TRAPPC9: variants seen among roughly 807,000 people sequenced by gnomAD.
The protein encoded by TRAPPC9 is trafficking protein particle complex subunit 9.
A neutral mutation model predicts 124.0 loss-of-function variants in TRAPPC9; 83 were observed. The ratio of observed to expected loss-of-function variants is 0.67; its 90% CI spans 0.56 to 0.80. TRAPPC9 has a LOEUF of 0.80. Ranked by LOEUF, TRAPPC9 falls within the 30% of genes least tolerant of loss-of-function variation. TRAPPC9 has a pLI of 0.00. For synonymous variants in TRAPPC9, 638 were observed against 617.5 expected (o/e 1.03, Z -0.49); for missense variants, 1,302 against 1,508.3 (o/e 0.86, Z 2.27).
intron 21 of TRAPPC9, among the ~76,000 whole-genome samples, chr8:139,819,900 C>T (rs1825132428): frequency 6.7e-6 from 1 of 149,448 alleles, no homozygotes; most frequent in African/African-American, 2.5e-5. Flanking sequence ...ATAGTCCCAG[C>T]TACTTGGGAG....
intron 14 of TRAPPC9, 81 bp downstream of exon 14, chr8:140,283,808 G>T: frequency 6.8e-7 from 1 of 1,460,960 alleles, no homozygotes. Flanking sequence ...CAGGCTCTTT[G>T]TGCCATTAAA....
chr8:140,023,026 A>G (rs1243916900), intron 18 of TRAPPC9, among the ~76,000 whole-genome samples: 2 of 152,212 alleles, frequency 1.3e-5, no homozygotes, highest in African/African-American at 4.8e-5. Context: ...CCACTGGAGG[A>G]GGAGGGGCTG....
intron 21 of TRAPPC9, among the ~76,000 whole-genome samples, chr8:139,849,145 C>T (rs1259819491): frequency 6.6e-6 from 1 of 152,208 alleles, no homozygotes; most frequent in Non-Finnish European, 1.5e-5. Flanking sequence ...TCCCAAATTG[C>T]ATTGAGCCTT....
intron 18 of TRAPPC9, among the ~76,000 whole-genome samples, chr8:140,005,115 C>T (rs545206898): frequency 2.7e-4 from 41 of 152,306 alleles, no homozygotes; most frequent in African/African-American, 8.9e-4. Context: ...TCACGCTTAC[C>T]TCTGCCACAC....
At chr8:140,044,475 C>A (rs1261436090) in intron 17 of TRAPPC9, among the ~76,000 whole-genome samples, 2 of 152,178 alleles carry the variant, frequency 1.3e-5, no homozygotes, top group Non-Finnish European at 2.9e-5. Context: ...ACGTGCCCAA[C>A]TTTGAAGACC....
Position 139,901,018 on chromosome 8 carries a change from T to TAAATAAAA in TRAPPC9, c.2964+9128_2964+9129insTTTTATTT, listed in dbSNP as rs1554668236. On this transcript the variant is annotated intron_variant, in intron 20 of 22. Coordinates refer to ENST00000438773, the MANE Select transcript of TRAPPC9 (RefSeq NM_001160372.4). ...TAAATAAATAAAATAAATAAATAAA[T>TAAATAAAA]AAAAATAAAATAAAAGTAAGTGCTA... Among the ~76,000 whole-genome samples the TAAATAAAA allele has an allele frequency of 7.2e-3, 1,091 of 151,198 alleles. 12 individuals carry two copies. Among genetic ancestry groups the TAAATAAAA allele is most frequent in the African/African-American group, 0.022 (897 of 41,200 alleles).
chr8:140,141,322 C>T (rs1210250476), intron 17 of TRAPPC9, among the ~76,000 whole-genome samples: 1 of 152,240 alleles, frequency 6.6e-6, no homozygotes, highest in African/African-American at 2.4e-5. Flanking sequence ...CTCTCTCCCT[C>T]CTGGGACCAG....
chr8:139,814,556 A>C (rs1824698734), intron 21 of TRAPPC9, among the ~76,000 whole-genome samples: 1 of 152,122 alleles, frequency 6.6e-6, no homozygotes, highest in African/African-American at 2.4e-5. Context: ...CCCTAAATTC[A>C]GATCTCACAG....
intron 17 of TRAPPC9, among the ~76,000 whole-genome samples, chr8:140,214,476 G>A (rs1235519660): frequency 6.6e-6 from 1 of 152,186 alleles, no homozygotes; most frequent in Non-Finnish European, 1.5e-5. Flanking sequence ...TGGACTCACT[G>A]ACCAAATCTC....
rs369924557 is a variant in TRAPPC9 at position 139,732,001 on chromosome 8, G to C, written c.3257C>G (p.Ser1086Cys). 8.4e-5 allele frequency: 133 copies of C among 1,591,128 alleles called. No individual in the cohort carries two copies. The highest frequency in any genetic ancestry group is 1.1e-4 in the Non-Finnish European group (126 of 1,168,572). Residue 1086 changes from serine to cysteine, a missense_variant, in exon 22 of 23, where the codon TCC becomes TGC. This residue lies in a region of TRAPPC9 where 640 missense variants were observed against 679.3 expected (regional missense o/e 0.94). Coordinates refer to ENST00000438773, the MANE Select transcript of TRAPPC9 (RefSeq NM_001160372.4). ...CACCGCGTCGAGGTAGAAGGTGCTG[G>C]AGCCCACGAAGGAGACGGTGTCGTG... ...DLHDTVSFVG[S>C]STFYLDAVQP...
At chr8:139,813,504 G>A (rs939777139) in intron 21 of TRAPPC9, among the ~76,000 whole-genome samples, 5 of 152,210 alleles carry the variant, frequency 3.3e-5, no homozygotes, top group African/African-American at 9.7e-5. Flanking sequence ...TCTATGAGCC[G>A]AGAAGGGCCA....
Position 140,241,683 on chromosome 8 carries a change from G to A in TRAPPC9, c.2431+11094C>T, listed in dbSNP as rs2063859415. ...GCACTCCAGCCTGGCAACAGTCCGA[G>A]ACTCCATCTCAAAAAAATAAAATTA... On this transcript the variant is annotated intron_variant, in intron 16 of 22. Coordinates refer to ENST00000438773, the MANE Select transcript of TRAPPC9 (RefSeq NM_001160372.4). This position sits in a 1 kb window ranked among gnomAD's most constrained non-coding sequence, Gnocchi z 5.0. 6.7e-6 allele frequency among the ~76,000 whole-genome samples: 1 copy of A among 150,338 alleles called. No homozygotes were observed. The highest frequency in any genetic ancestry group is 2.4e-5 in the African/African-American group (1 of 40,984).
intron 7 of TRAPPC9, among the ~76,000 whole-genome samples, chr8:140,383,520 A>G (rs965009271): frequency 2.0e-5 from 3 of 152,268 alleles, no homozygotes; most frequent in Non-Finnish European, 4.4e-5. Flanking sequence ...ACGAATGCAC[A>G]TGCTTCAGTA....
chr8:140,205,949 C>T (rs1489737920), intron 17 of TRAPPC9, among the ~76,000 whole-genome samples: 2 of 152,222 alleles, frequency 1.3e-5, no homozygotes, highest in Non-Finnish European at 2.9e-5. Context: ...TATTTCCAAC[C>T]CTCACCATCT....
chr8:140,137,404 T>C (rs1436372108), intron 17 of TRAPPC9, among the ~76,000 whole-genome samples: 1 of 152,180 alleles, frequency 6.6e-6, no homozygotes, highest in Non-Finnish European at 1.5e-5. Flanking sequence ...AGATCACTCA[T>C]CATAGAGATG....
At chr8:139,814,931 G>A (rs1274347368) in intron 21 of TRAPPC9, among the ~76,000 whole-genome samples, 1 of 152,178 alleles carries the variant, frequency 6.6e-6, no homozygotes, top group African/African-American at 2.4e-5. Flanking sequence ...AGACATGGCC[G>A]GGCACCGAGT....
At chr8:139,848,372 A>G (rs1350777259) in intron 21 of TRAPPC9, among the ~76,000 whole-genome samples, 1 of 152,250 alleles carries the variant, frequency 6.6e-6, no homozygotes, top group East Asian at 1.9e-4. Flanking sequence ...AGAGACATGC[A>G]CACATGCACA....
intron 20 of TRAPPC9, among the ~76,000 whole-genome samples, chr8:139,886,454 A>C (rs1830025777): frequency 6.6e-6 from 1 of 152,214 alleles, no homozygotes; most frequent in Non-Finnish European, 1.5e-5. Flanking sequence ...CTCATAATCG[A>C]GGAAGCCATA....
At chr8:140,349,455 C>T (rs1358574824) in intron 9 of TRAPPC9, among the ~76,000 whole-genome samples, 3 of 147,960 alleles carry the variant, frequency 2.0e-5, no homozygotes, top group Non-Finnish European at 3.0e-5. Context: ...GGGAAGGGCA[C>T]ACAGGGGGGC....
Sources: gnomAD v4.1 joint callset for allele counts (sites outside exome capture counted in the v4.1 genomes callset) on GRCh38, gnomAD v4.1.1 for gene constraint, gnomAD v4.1.1 regional missense constraint, Gnocchi (gnomAD v3.1) non-coding constraint, MANE v1.5 for transcripts, NCBI Gene and HGNC (gene_info 2026-07-23, HGNC 2026-07-21) for gene names.